The following ADAMTS17 variants were observed in gnomAD, a reference collection of about 807,000 sequenced individuals.
ADAMTS17 encodes ADAM metallopeptidase with thrombospondin type 1 motif 17, also known as A disintegrin and metalloproteinase with thrombospondin motifs 17.
In ADAMTS17, 113 loss-of-function variants were observed where a neutral mutation model predicts 141.5. That is an observed-to-expected ratio of 0.80 (90% CI 0.69 to 0.93). The LOEUF (loss-of-function observed/expected upper bound fraction) is 0.93. Among genes scored for constraint, ADAMTS17 ranks in the 40% least tolerant of loss-of-function variants. The probability of loss-of-function intolerance (pLI) is 0.00; values close to 1 mark genes in which losing one functional copy is unlikely to be tolerated. For missense variants in ADAMTS17, 1,659 were observed against 1,517.9 expected (o/e 1.09, Z -1.54); for synonymous variants, 768 against 630.6 (o/e 1.22, Z -3.27).
intron 3 of ADAMTS17, among the ~76,000 whole-genome samples, chr15:100,312,685 G>A (rs1328744833): frequency 6.6e-6 from 1 of 152,174 alleles, no homozygotes; most frequent in African/African-American, 2.4e-5. Flanking sequence ...AACCAAATGA[G>A]GCAATCAGGG....
At chr15:100,098,601 T>C (rs2035907620) in intron 14 of ADAMTS17, among the ~76,000 whole-genome samples, 1 of 151,290 alleles carries the variant, frequency 6.6e-6, no homozygotes, top group Admixed American at 6.6e-5. Flanking sequence ...AGGCGGAGGT[T>C]GCAGTGAGCT....
intron 10 of ADAMTS17, among the ~76,000 whole-genome samples, chr15:100,149,735 C>T (rs1320508049): frequency 6.6e-6 from 1 of 152,232 alleles, no homozygotes; most frequent in African/African-American, 2.4e-5. Flanking sequence ...CTTCCTCTCC[C>T]TTGTTCAGGT....
At position 100,053,968 on chromosome 15, in the gene ADAMTS17, G is replaced by A. The variant is rs149692828; in HGVS notation, c.2224C>T (p.Arg742Cys). The stretch of plus-strand genomic sequence containing the variant: ...TCCCACAGCCCCCTTCTCACATAGC[G>A]AACAGTTGTGCCTGCAATCTGGAAC... ...GEFQIAGTTVRYVRRGLWEKI... is the reference protein window; with the variant it reads ...GEFQIAGTTVCYVRRGLWEKI... Residue 742 changes from arginine (R) to cysteine (C), a missense_variant, in exon 16 of 22, where the codon CGC becomes TGC. By Grantham distance (180) the Arg-to-Cys change is radical. Coordinates refer to ENST00000268070, the MANE Select transcript of ADAMTS17 (RefSeq NM_139057.4). The A allele has an allele frequency of 6.8e-5, 110 of 1,614,050 alleles. No individual in the cohort carries two copies. The highest frequency in any genetic ancestry group is 1.6e-4 in the African/African-American group (12 of 74,918).
Position 100,261,512 on chromosome 15 carries a change from G to A in ADAMTS17, c.998C>T (p.Pro333Leu), listed in dbSNP as rs771992023. ...NNQVPGGKDDPPLVDAAVFVT... is the reference protein window; with the variant it reads ...NNQVPGGKDDLPLVDAAVFVT... ...AAACACGGCAGCATCCACCAGGGGC[G>A]GGTCGTCCTTCCCGCCGGGAACCTG... Residue 333 changes from proline (P) to leucine (L), a missense_variant, in exon 6 of 22, where the codon CCG (proline) becomes CTG (leucine). Coordinates refer to ENST00000268070, the MANE Select transcript of ADAMTS17 (RefSeq NM_139057.4). The A allele has an allele frequency of 4.6e-5, 74 of 1,614,142 alleles. No homozygotes were observed. Among genetic ancestry groups the A allele is most frequent in the Middle Eastern group, 1.7e-4 (1 of 6,048 alleles).
rs78351489 is a variant in ADAMTS17, at chr15:100,020,062, G to A, written c.2592-22473C>T. 7.4e-3 allele frequency among the ~76,000 whole-genome samples: 1,123 copies of A among 152,012 alleles called. 15 individuals are homozygous for A. Among genetic ancestry groups the A allele is most frequent in the African/African-American group, 0.026 (1,087 of 41,464 alleles). On this transcript the variant is annotated intron_variant, in intron 18 of 21. Transcript: ENST00000268070. ...TTTTCCCAGGACAGCAGCCGGAATCGTACCCATCAGAAATAAACACCAAAG... is the reference window on the plus strand; with the variant it reads ...TTTTCCCAGGACAGCAGCCGGAATCATACCCATCAGAAATAAACACCAAAG...
chr15:100,228,430 C>T (rs927804798), intron 7 of ADAMTS17, among the ~76,000 whole-genome samples: 1 of 152,204 alleles, frequency 6.6e-6, no homozygotes, highest in African/African-American at 2.4e-5. Flanking sequence ...GTACCATACG[C>T]AAAGCCTGAC....
At chr15:100,198,185 A>C (rs2041192690) in intron 8 of ADAMTS17, among the ~76,000 whole-genome samples, 1 of 152,324 alleles carries the variant, frequency 6.6e-6, no homozygotes, top group African/African-American at 2.4e-5. Flanking sequence ...AAAACAAAAA[A>C]CAGCAAAAAC....
At chr15:100,210,299 C>T (rs983192539) in intron 7 of ADAMTS17, among the ~76,000 whole-genome samples, 4 of 148,708 alleles carry the variant, frequency 2.7e-5, no homozygotes, top group Non-Finnish European at 4.4e-5. Context: ...AATGAGGCAG[C>T]GGCTGCTGAT....
intron 7 of ADAMTS17, among the ~76,000 whole-genome samples, chr15:100,216,096 C>T (rs1278419813): frequency 2.6e-5 from 4 of 152,240 alleles, no homozygotes; most frequent in African/African-American, 7.2e-5. Context: ...CACTTCCCAC[C>T]TGGGTGACTA....
In ADAMTS17 at chr15:99,993,118, C is replaced by G. The variant is rs752970818; in HGVS notation, c.2879G>C (p.Arg960Thr). Residue 960 changes from arginine to threonine, a missense_variant, in exon 20 of 22, where the codon AGG becomes ACG. By Grantham distance (71) the Arg-to-Thr change is moderately conservative (BLOSUM62 -1). Coordinates refer to ENST00000268070, the MANE Select transcript of ADAMTS17 (RefSeq NM_139057.4). The surrounding 1 kb of genome is among the most constrained non-coding windows in gnomAD (Gnocchi z 4.3). The part of the protein sequence containing the change: ...NSQGKCDAST[R>T]PRAEEACEDY... ...CTCGCAGGCCTCCTCGGCTCTCGGC[C>G]TCGTGGATGCGTCGCATTTCCCTTG... is the stretch of plus-strand genomic sequence containing the variant. 5.6e-6 allele frequency: 9 copies of G among 1,614,188 alleles called. No homozygotes were observed. Among genetic ancestry groups the G allele is most frequent in the Middle Eastern group, 1.6e-4 (1 of 6,062 alleles).
intron 10 of ADAMTS17, among the ~76,000 whole-genome samples, chr15:100,142,329 G>A (rs908362769): frequency 6.6e-6 from 1 of 152,146 alleles, no homozygotes; most frequent in Non-Finnish European, 1.5e-5. Flanking sequence ...TGCCCAGGTA[G>A]AGGTACTGGA....
chr15:100,056,350 A>G (rs2032563497), intron 15 of ADAMTS17, among the ~76,000 whole-genome samples: 1 of 150,628 alleles, frequency 6.6e-6, no homozygotes, highest in Non-Finnish European at 1.5e-5. Flanking sequence ...AAGGGGCCAG[A>G]GTCCTTTAAG....
At chr15:100,143,421 G>A (rs2038752075) in intron 10 of ADAMTS17, among the ~76,000 whole-genome samples, 1 of 151,802 alleles carries the variant, frequency 6.6e-6, no homozygotes, top group African/African-American at 2.4e-5. Flanking sequence ...AAGACTGATT[G>A]GGCTAATTGC....
chr15:99,990,446 C>T (rs775830792), intron 20 of ADAMTS17, among the ~76,000 whole-genome samples: 4 of 151,708 alleles, frequency 2.6e-5, no homozygotes, highest in African/African-American at 4.9e-5. Context: ...AACTGTGTGA[C>T]GTCCCTGTTT....
intron 3 of ADAMTS17, among the ~76,000 whole-genome samples, chr15:100,322,124 A>G (rs1370735712): frequency 6.6e-6 from 1 of 152,178 alleles, no homozygotes; most frequent in African/African-American, 2.4e-5. Context: ...GGGTGGAGTC[A>G]ACACTTGGAA....
At chr15:100,237,918 C>T (rs2042709444) in intron 7 of ADAMTS17, among the ~76,000 whole-genome samples, 1 of 152,190 alleles carries the variant, frequency 6.6e-6, no homozygotes, top group South Asian at 2.1e-4. Context: ...GCCCACTGTG[C>T]CCGGCCAACA....
At chr15:100,286,649 C>CA (rs140005920) in intron 3 of ADAMTS17, among the ~76,000 whole-genome samples, 1,714 of 151,750 alleles carry the variant, frequency 0.011, 16 homozygotes, top group South Asian at 0.019. Flanking sequence ...CTAAGGGCAT[C>CA]AAAAAAAACC....
intron 18 of ADAMTS17, among the ~76,000 whole-genome samples, chr15:100,047,852 G>C (rs771169991): frequency 6.6e-6 from 1 of 152,128 alleles, no homozygotes; most frequent in African/African-American, 2.4e-5. Context: ...TGCTCATACC[G>C]AGGTGCTCAA....
chr15:100,241,110 C>A (rs1173774654), intron 7 of ADAMTS17, among the ~76,000 whole-genome samples: 1 of 151,964 alleles, frequency 6.6e-6, no homozygotes, highest in Non-Finnish European at 1.5e-5. Flanking sequence ...AGAAGTGAGC[C>A]CCTACACCTG....
Sources: allele counts gnomAD v4.1 joint callset (sites outside exome capture counted in the v4.1 genomes callset), GRCh38; gene constraint gnomAD v4.1.1; non-coding constraint Gnocchi (gnomAD v3.1); transcripts MANE v1.5; gene names NCBI Gene and HGNC (gene_info 2026-07-23, HGNC 2026-07-21).